The following TEX36 variants were observed in gnomAD, a reference collection of about 807,000 sequenced individuals.
The protein encoded by TEX36 is testis expressed 36.
In TEX36, 12 loss-of-function variants were observed where a neutral mutation model predicts 13.6. The observed-to-expected ratio is 0.88, with a 90% CI of 0.56 to 1.43. The LOEUF is 1.43. TEX36 is among the 40% of genes most tolerant of loss of function. The pLI is 0.00. For missense variants in TEX36, 224 were observed against 228.3 expected, an observed-to-expected ratio of 0.98 and a Z score of 0.12; for synonymous variants, 93 against 83.0, an observed-to-expected ratio of 1.12 and a Z score of -0.65.
At chr10:125,682,034 T>C (rs142538167) in intron 1 of TEX36, among the ~76,000 whole-genome samples, 44 of 152,368 alleles carry the variant, frequency 2.9e-4, no homozygotes, top group Non-Finnish European at 4.9e-4. Context: ...TACCTGTTGC[T>C]ACCCTAAAAG....
intron 3 of TEX36, among the ~76,000 whole-genome samples, chr10:125,579,072 A>G (rs1196974067): frequency 6.6e-6 from 1 of 152,230 alleles, no homozygotes; most frequent in Non-Finnish European, 1.5e-5. Context: ...TATTGACTCA[A>G]AAATGCCTTC....
intron 3 of TEX36, among the ~76,000 whole-genome samples, chr10:125,626,282 C>A (rs898100290): frequency 8.5e-5 from 13 of 152,202 alleles, no homozygotes; most frequent in African/African-American, 3.1e-4. Flanking sequence ...CAACCTGCAA[C>A]AGTCGGCTCC....
At position 125,680,226 on chromosome 10, in the gene TEX36, C is replaced by T. The variant is rs561744957; in HGVS notation, c.51+2713G>A. Reference sequence around the variant, plus strand: ...TCTGACTGAGTCAACACTTCCCTCTCGGAAGTTGTGGAAAATCAGGCTGGG... The same window carrying T: ...TCTGACTGAGTCAACACTTCCCTCTTGGAAGTTGTGGAAAATCAGGCTGGG... On this transcript the variant is annotated intron_variant, in intron 1 of 3. Transcript: ENST00000368821. Among the ~76,000 whole-genome samples, 6 of 152,240 alleles carry T rather than the reference C, an allele frequency of 3.9e-5. No individual in the cohort carries two copies. In the East Asian group the frequency reaches 7.7e-4, roughly 20 times the overall value.
At chr10:125,634,574 A>C (rs1384157410) in intron 3 of TEX36, among the ~76,000 whole-genome samples, 2 of 152,212 alleles carry the variant, frequency 1.3e-5, no homozygotes, top group Non-Finnish European at 2.9e-5. Context: ...CAGAAGAAAA[A>C]CTGAAGCATT....
chr10:125,660,672 C>G (rs1002729119), intron 3 of TEX36, among the ~76,000 whole-genome samples: 2 of 152,190 alleles, frequency 1.3e-5, no homozygotes, highest in African/African-American at 4.8e-5. Context: ...GACCTTTCCT[C>G]GTGGATCCTG....
intron 3 of TEX36, among the ~76,000 whole-genome samples, chr10:125,632,745 C>T (rs557054084): frequency 5.8e-4 from 88 of 152,240 alleles, no homozygotes; most frequent in Non-Finnish European, 1.1e-3. Context: ...TAGTTCCGTC[C>T]GCTTTTCTGC....
At chr10:125,584,512 C>T (rs2133525225) in intron 3 of TEX36, among the ~76,000 whole-genome samples, 1 of 152,308 alleles carries the variant, frequency 6.6e-6, no homozygotes. Context: ...TGAAATGCAT[C>T]TTCTACCTCC....
intron 3 of TEX36, among the ~76,000 whole-genome samples, chr10:125,658,045 T>A (rs1250843634): frequency 6.6e-6 from 1 of 151,856 alleles, no homozygotes; most frequent in African/African-American, 2.4e-5. Flanking sequence ...ATAGGAAACA[T>A]GAGATGGCAG....
chr10:125,579,017 G>A (rs1845856359), intron 3 of TEX36, among the ~76,000 whole-genome samples: 1 of 152,082 alleles, frequency 6.6e-6, no homozygotes, highest in Non-Finnish European at 1.5e-5. Flanking sequence ...GCCTCTATCT[G>A]TCTCCTCCCC....
intron 3 of TEX36, among the ~76,000 whole-genome samples, chr10:125,593,589 C>A (rs751001679): frequency 1.3e-5 from 2 of 152,150 alleles, no homozygotes; most frequent in Non-Finnish European, 2.9e-5. Flanking sequence ...AAGGCATTAT[C>A]CCTTACAGAG....
intron 3 of TEX36, among the ~76,000 whole-genome samples, chr10:125,577,536 A>G (rs1845838768): frequency 6.6e-6 from 1 of 152,226 alleles, no homozygotes. Context: ...GAATATAAGT[A>G]TTCATTATTT....
chr10:125,612,772 C>T (rs1345969684), intron 3 of TEX36, among the ~76,000 whole-genome samples: 1 of 150,418 alleles, frequency 6.6e-6, no homozygotes, highest in African/African-American at 2.5e-5. Context: ...ATCACATCCG[C>T]TAAAACTTCC....
chr10:125,586,030 T>C (rs759087899), intron 3 of TEX36, among the ~76,000 whole-genome samples: 4 of 152,216 alleles, frequency 2.6e-5, no homozygotes, highest in Non-Finnish European at 5.9e-5. Flanking sequence ...TGGTATTTTA[T>C]CTAAGTTCAG....
intron 3 of TEX36, among the ~76,000 whole-genome samples, chr10:125,643,192 C>T (rs533554282): frequency 6.6e-6 from 1 of 152,278 alleles, no homozygotes; most frequent in Non-Finnish European, 1.5e-5. Context: ...AGGGCAGTGT[C>T]CCAGAAAGGT....
intron 3 of TEX36, among the ~76,000 whole-genome samples, chr10:125,631,374 T>C (rs1846551854): frequency 6.6e-6 from 1 of 152,226 alleles, no homozygotes; most frequent in African/African-American, 2.4e-5. Flanking sequence ...GCCCTCTGTG[T>C]AGCCACACAC....
At chr10:125,603,959 A>T (rs1194313169) in intron 3 of TEX36, among the ~76,000 whole-genome samples, 1 of 152,160 alleles carries the variant, frequency 6.6e-6, no homozygotes, top group African/African-American at 2.4e-5. Flanking sequence ...CTTGGGCCCT[A>T]GGGTATAAGG....
At chr10:125,624,517 A>G (rs1846463631) in intron 3 of TEX36, among the ~76,000 whole-genome samples, 1 of 152,112 alleles carries the variant, frequency 6.6e-6, no homozygotes, top group African/African-American at 2.4e-5. Context: ...GCAATGGGTC[A>G]TGACTGGTGG....
chr10:125,668,349 G>A (rs1272037701), intron 1 of TEX36, among the ~76,000 whole-genome samples: 1 of 151,592 alleles, frequency 6.6e-6, no homozygotes, highest in Non-Finnish European at 1.5e-5. Context: ...TCACTATTCA[G>A]CATTGCTCTG....
intron 3 of TEX36, among the ~76,000 whole-genome samples, chr10:125,608,130 G>A (rs536952686): frequency 1.4e-4 from 22 of 152,280 alleles, no homozygotes; most frequent in South Asian, 8.3e-4. Context: ...ATTCCAGAGC[G>A]GGGAAAACAG....
Sources: gnomAD v4.1 joint callset for allele counts (sites outside exome capture counted in the v4.1 genomes callset) on GRCh38, gnomAD v4.1.1 for gene constraint, MANE v1.5 for transcripts, NCBI Gene and HGNC (gene_info 2026-07-23, HGNC 2026-07-21) for gene names.